HS3ST4: variants seen among roughly 807,000 people sequenced by gnomAD.
The protein encoded by HS3ST4 is heparan sulfate-glucosamine 3-sulfotransferase 4.
Under a neutral mutation model 29.2 loss-of-function variants are expected in HS3ST4, and 17 were observed. The ratio of observed to expected loss-of-function variants is 0.58; its 90% CI spans 0.40 to 0.87. The LOEUF is 0.87. Ranked by LOEUF, HS3ST4 falls within the 40% of genes least tolerant of loss-of-function variation. HS3ST4 has a pLI of 0.00. For synonymous variants in HS3ST4, 314 were observed against 285.7 expected, an observed-to-expected ratio of 1.10 and a Z score of -1.00; for missense variants, 627 against 634.5, an observed-to-expected ratio of 0.99 and a Z score of 0.13.
chr16:25,904,816 A>C (rs1216206358), intron 1 of HS3ST4, among the ~76,000 whole-genome samples: 1 of 152,182 alleles, frequency 6.6e-6, no homozygotes, highest in East Asian at 1.9e-4. Context: ...AAAAGTATTT[A>C]ACTGTAGGGT....
intron 1 of HS3ST4, among the ~76,000 whole-genome samples, chr16:26,064,847 C>G (rs1459473932): frequency 6.6e-6 from 1 of 152,066 alleles, no homozygotes; most frequent in South Asian, 2.1e-4. Flanking sequence ...GAACTCCCAA[C>G]CTCAGGTGAT....
At chr16:25,753,579 G>A (rs181439188) in intron 1 of HS3ST4, among the ~76,000 whole-genome samples, 118 of 151,858 alleles carry the variant, frequency 7.8e-4, no homozygotes, top group African/African-American at 2.7e-3. Flanking sequence ...GGAAACAGAG[G>A]CTTAGCAAAA....
chr16:25,862,072 A>T (rs534145719), intron 1 of HS3ST4, among the ~76,000 whole-genome samples: 1 of 152,128 alleles, frequency 6.6e-6, no homozygotes, highest in East Asian at 1.9e-4. Flanking sequence ...TTCCACCTCA[A>T]ATCATCAGGC....
rs918392160 is a variant in HS3ST4, at chr16:25,728,592, C to T, written c.734+35441C>T. 1.6e-4 allele frequency among the ~76,000 whole-genome samples: 25 copies of T among 151,994 alleles called. 1 individual carries two copies. On this transcript the variant is annotated intron_variant, in intron 1 of 1. Transcript: ENST00000331351. ...AGAGACTGTAGGTAAGGAAAGTATT[C>T]ATGGGAATTAAAGAAAGCCTCTGGG...
chr16:25,868,103 C>A (rs1967714301), intron 1 of HS3ST4, among the ~76,000 whole-genome samples: 1 of 152,064 alleles, frequency 6.6e-6, no homozygotes, highest in South Asian at 2.1e-4. Flanking sequence ...TGTGTTTGCT[C>A]AATCTGAATC....
intron 1 of HS3ST4, among the ~76,000 whole-genome samples, chr16:26,114,451 A>G (rs971613827): frequency 6.6e-6 from 1 of 152,196 alleles, no homozygotes; most frequent in African/African-American, 2.4e-5. Flanking sequence ...GCATCTGGAA[A>G]AGTCATGGGG....
At chr16:25,740,743 A>T (rs1001776169) in intron 1 of HS3ST4, among the ~76,000 whole-genome samples, 1 of 152,214 alleles carries the variant, frequency 6.6e-6, no homozygotes, top group African/African-American at 2.4e-5. Flanking sequence ...ACTCATAAGG[A>T]AACTGAGGCT....
chr16:25,952,056 A>G lies in HS3ST4; in HGVS notation c.735-183556A>G, dbSNP rs113695251. Among the ~76,000 whole-genome samples, 733 of 152,334 alleles carry G rather than the reference A, an allele frequency of 4.8e-3. 6 individuals are homozygous for G. The highest frequency in any genetic ancestry group is 0.014 in the Middle Eastern group (4 of 294). On this transcript the variant is annotated intron_variant, in intron 1 of 1. Transcript: ENST00000331351. ...GAAAATCATATAGAATTCAGACTTC[A>G]TTGTCCATAAGTGAAATATTATTAG...
At chr16:26,091,395 A>G (rs538502928) in intron 1 of HS3ST4, among the ~76,000 whole-genome samples, 85 of 152,212 alleles carry the variant, frequency 5.6e-4, no homozygotes, top group Non-Finnish European at 8.8e-4. Flanking sequence ...TTGAGTATAA[A>G]TCGTGCCCAA....
At chr16:26,007,727 G>A (rs1969271018) in intron 1 of HS3ST4, among the ~76,000 whole-genome samples, 1 of 152,040 alleles carries the variant, frequency 6.6e-6, no homozygotes, top group South Asian at 2.1e-4. Context: ...TGTCCTTCAG[G>A]GGACATTATG....
intron 1 of HS3ST4, among the ~76,000 whole-genome samples, chr16:25,736,749 A>G (rs997145499): frequency 6.6e-6 from 1 of 152,032 alleles, no homozygotes. Context: ...CCCTCCCCAT[A>G]CTATCATTCA....
chr16:26,023,058 A>G (rs117278344), intron 1 of HS3ST4, among the ~76,000 whole-genome samples: 7,972 of 152,056 alleles, frequency 0.052, 281 homozygotes, highest in Middle Eastern at 0.11. Flanking sequence ...AAAGAAGAAG[A>G]AAAAAAACCA....
intron 1 of HS3ST4, among the ~76,000 whole-genome samples, chr16:25,748,843 A>C (rs1421472079): frequency 1.3e-5 from 2 of 152,248 alleles, no homozygotes; most frequent in Non-Finnish European, 2.9e-5. Flanking sequence ...TAAAGTTTTT[A>C]TACTGGTTTA....
chr16:25,899,167 A>G (rs912825395), intron 1 of HS3ST4, among the ~76,000 whole-genome samples: 1 of 152,208 alleles, frequency 6.6e-6, no homozygotes, highest in Non-Finnish European at 1.5e-5. Flanking sequence ...GCACACGTCC[A>G]TGCATTTATT....
At chr16:25,820,420 G>C (rs1967138355) in intron 1 of HS3ST4, among the ~76,000 whole-genome samples, 1 of 152,154 alleles carries the variant, frequency 6.6e-6, no homozygotes, top group Admixed American at 6.5e-5. Flanking sequence ...TAAGGCAGGG[G>C]CTTTCTCTTG....
intron 1 of HS3ST4, among the ~76,000 whole-genome samples, chr16:25,988,084 C>T (rs1337752439): frequency 6.6e-6 from 1 of 152,150 alleles, no homozygotes; most frequent in East Asian, 1.9e-4. Context: ...TGAATTTTAA[C>T]CTGTGTCTCC....
intron 1 of HS3ST4, among the ~76,000 whole-genome samples, chr16:26,120,454 C>T (rs971260768): frequency 3.3e-5 from 5 of 152,186 alleles, no homozygotes; most frequent in Admixed American, 2.0e-4. Flanking sequence ...CTTGGCACTT[C>T]GTAAAAAGGT....
Position 25,774,637 on chromosome 16 carries a change from A to G in HS3ST4, c.734+81486A>G, listed in dbSNP as rs1253885839. On this transcript the variant is annotated intron_variant, in intron 1 of 1. Transcript: ENST00000331351. ...TTCTGCAAAAAGTGAGGATAATAAT[A>G]GCTTCTACCCCAACGTGTGGATGAA... Among the ~76,000 whole-genome samples the G allele has an allele frequency of 2.0e-5, 3 of 152,256 alleles. No individual in the cohort carries two copies. In the East Asian group the frequency reaches 5.8e-4, roughly 29 times the overall value.
chr16:26,056,894 AT>A (rs907614919), intron 1 of HS3ST4, among the ~76,000 whole-genome samples: 4 of 152,316 alleles, frequency 2.6e-5, no homozygotes, highest in South Asian at 2.1e-4. Context: ...ATGTATACCT[AT>A]TTATAATTGT....
Sources: allele counts gnomAD v4.1 joint callset (sites outside exome capture counted in the v4.1 genomes callset), GRCh38; gene constraint gnomAD v4.1.1; transcripts MANE v1.5; gene names NCBI Gene and HGNC (gene_info 2026-07-23, HGNC 2026-07-21).